Variants in TBC1D5 observed in about 807,000 individuals in gnomAD.
TBC1D5 encodes TBC1 domain family member 5, also known as TBC1 domain family, member 5.
A neutral mutation model predicts 100.3 loss-of-function variants in TBC1D5; 75 were observed. The ratio of observed to expected loss-of-function variants is 0.75; its 90% confidence interval spans 0.62 to 0.91. The LOEUF is 0.91. Among genes scored for constraint, TBC1D5 ranks in the 40% least tolerant of loss-of-function variants. The pLI is 0.00. For missense variants in TBC1D5, 910 were observed against 942.4 expected (o/e 0.97, Z 0.45); for synonymous variants, 323 against 325.6 (o/e 0.99, Z 0.09).
chr3:17,617,333 A>G (rs2062257967), intron 2 of TBC1D5, among the ~76,000 whole-genome samples: 1 of 151,850 alleles, frequency 6.6e-6, no homozygotes, highest in South Asian at 2.1e-4. Context: ...CTTCATTTCA[A>G]CCTTGGTGAA....
chr3:17,346,044 AT>A (rs2089819885), intron 13 of TBC1D5, among the ~76,000 whole-genome samples: 1 of 152,164 alleles, frequency 6.6e-6, no homozygotes, highest in African/African-American at 2.4e-5. Flanking sequence ...CATTGTGCAC[AT>A]GTACCCTAAA....
chr3:17,678,728 A>C (rs1486336902), intron 1 of TBC1D5, among the ~76,000 whole-genome samples: 3 of 150,544 alleles, frequency 2.0e-5, no homozygotes, highest in Non-Finnish European at 4.4e-5. Flanking sequence ...CCAAACTGAA[A>C]GACATTTGCT....
chr3:17,430,762 T>G (rs939171439), intron 3 of TBC1D5, among the ~76,000 whole-genome samples: 12 of 152,000 alleles, frequency 7.9e-5, no homozygotes, highest in African/African-American at 2.9e-4. Context: ...CCCAGACTCT[T>G]ATTTTGGAAG....
chr3:17,270,531 C>A (rs546072561), intron 15 of TBC1D5, among the ~76,000 whole-genome samples: 1 of 152,196 alleles, frequency 6.6e-6, no homozygotes, highest in Admixed American at 6.5e-5. Flanking sequence ...TGAGCATTCT[C>A]CCATTATGCA....
intron 18 of TBC1D5, among the ~76,000 whole-genome samples, chr3:17,198,779 T>A (rs1035569582): frequency 6.6e-6 from 1 of 152,320 alleles, no homozygotes; most frequent in Non-Finnish European, 1.5e-5. Flanking sequence ...TCTAAATTAG[T>A]GGTTCTAAAC....
intron 13 of TBC1D5, among the ~76,000 whole-genome samples, chr3:17,320,369 G>C (rs1300120611): frequency 1.3e-5 from 2 of 152,082 alleles, no homozygotes; most frequent in East Asian, 1.9e-4. Flanking sequence ...GAAGCTCTAG[G>C]CAAAGTTCAG....
chr3:17,501,941 C>A (rs1354909514), intron 3 of TBC1D5, among the ~76,000 whole-genome samples: 7 of 149,706 alleles, frequency 4.7e-5, no homozygotes, highest in African/African-American at 1.8e-4. Context: ...TCACTGTCAG[C>A]AAATAATGTC....
At chr3:17,673,008 G>GT (rs2068130098) in intron 1 of TBC1D5, among the ~76,000 whole-genome samples, 1 of 152,094 alleles carries the variant, frequency 6.6e-6, no homozygotes, top group Non-Finnish European at 1.5e-5. Context: ...TCAACCAGGT[G>GT]TAAAAAATCA....
chr3:17,589,575 G>C (rs1307352420), intron 2 of TBC1D5, among the ~76,000 whole-genome samples: 3 of 152,182 alleles, frequency 2.0e-5, no homozygotes, highest in African/African-American at 4.8e-5. Context: ...CTTCCACCAT[G>C]ATTGTGAGGC....
At chr3:17,212,954 C>A (rs907930896) in intron 18 of TBC1D5, among the ~76,000 whole-genome samples, 2 of 151,982 alleles carry the variant, frequency 1.3e-5, no homozygotes, top group Non-Finnish European at 2.9e-5. Context: ...CCTAAGTGTA[C>A]AGTGTTTATA....
intron 13 of TBC1D5, among the ~76,000 whole-genome samples, chr3:17,347,868 A>T (rs1171659352): frequency 1.3e-5 from 2 of 152,128 alleles, no homozygotes; most frequent in African/African-American, 4.8e-5. Flanking sequence ...TCAGGTGTGG[A>T]GACACATCCC....
intron 2 of TBC1D5, among the ~76,000 whole-genome samples, chr3:17,556,728 T>C (rs1425228335): frequency 6.6e-6 from 1 of 152,168 alleles, no homozygotes; most frequent in Non-Finnish European, 1.5e-5. Flanking sequence ...TTATTAACAA[T>C]TTACTTAGGA....
chr3:17,485,899 T>C (rs1191592240), intron 3 of TBC1D5, among the ~76,000 whole-genome samples: 5 of 152,160 alleles, frequency 3.3e-5, no homozygotes, highest in Non-Finnish European at 7.3e-5. Context: ...TAGTTCTAGA[T>C]CCCTGAGGAA....
At chr3:17,665,316 TCTTTA>T (rs919737737) in intron 1 of TBC1D5, among the ~76,000 whole-genome samples, 4 of 152,220 alleles carry the variant, frequency 2.6e-5, no homozygotes, top group Admixed American at 6.5e-5. Flanking sequence ...AACTGAAGTG[TCTTTA>T]CTTTGACTCA....
intron 14 of TBC1D5, among the ~76,000 whole-genome samples, chr3:17,297,320 T>TA (rs2082350347): frequency 6.6e-6 from 1 of 152,256 alleles, no homozygotes; most frequent in Non-Finnish European, 1.5e-5. Context: ...CTCACGCCTG[T>TA]AATCCCAGAA....
chr3:17,653,003 T>C (rs2065723664), intron 1 of TBC1D5, among the ~76,000 whole-genome samples: 1 of 152,194 alleles, frequency 6.6e-6, no homozygotes, highest in South Asian at 2.1e-4. Flanking sequence ...AATGCTAAGA[T>C]ACGGACAAAC....
At chr3:17,642,361 C>G (rs374973732) in intron 1 of TBC1D5, among the ~76,000 whole-genome samples, 2 of 151,968 alleles carry the variant, frequency 1.3e-5, no homozygotes, top group African/African-American at 4.8e-5. Flanking sequence ...GTGATCTTTA[C>G]AAACCATATA....
At chr3:17,715,542 C>A (rs1439333667) in intron 1 of TBC1D5, among the ~76,000 whole-genome samples, 2 of 152,168 alleles carry the variant, frequency 1.3e-5, no homozygotes, top group Non-Finnish European at 2.9e-5. Context: ...TGGTGGCTCA[C>A]ACCTGTCAAA....
intron 13 of TBC1D5, among the ~76,000 whole-genome samples, chr3:17,332,914 A>G (rs890567638): frequency 2.6e-5 from 4 of 151,960 alleles, no homozygotes; most frequent in African/African-American, 9.7e-5. Flanking sequence ...CTGTCCCTCT[A>G]CTCTTCTTGT....
Sources: gnomAD v4.1 joint callset for allele counts (sites outside exome capture counted in the v4.1 genomes callset) on GRCh38, gnomAD v4.1.1 for gene constraint, MANE v1.5 for transcripts, NCBI Gene and HGNC (gene_info 2026-07-23, HGNC 2026-07-21) for gene names.